The following DNA2 variants were observed in gnomAD, a reference collection of about 807,000 sequenced individuals.
The protein encoded by DNA2 is DNA replication helicase/nuclease 2.
Under a neutral mutation model 119.1 loss-of-function variants are expected in DNA2, and 101 were observed. The observed-to-expected ratio is 0.85, with a 90% confidence interval of 0.72 to 1.00. DNA2 has a LOEUF of 1.00. Among genes scored for constraint, DNA2 ranks in the 50% least tolerant of loss-of-function variants. DNA2 has a pLI of 0.00. For synonymous variants in DNA2, 366 were observed against 424.4 expected (o/e 0.86, Z 1.69); for missense variants, 1,121 against 1,255.5 (o/e 0.89, Z 1.62).
At position 68,437,217 on chromosome 10, in the gene DNA2, T is replaced by C. The variant is rs753037060; in HGVS notation, c.1440A>G (p.Gly480=). 6.2e-7 allele frequency: 1 copy of C among 1,606,702 alleles called. No individual in the cohort carries two copies. Among genetic ancestry groups the C allele is most frequent in the East Asian group, 2.2e-5 (1 of 44,668 alleles). The change falls in exon 10 of 21, where the codon GGA becomes GGG. Residue 480 remains glycine (G), a synonymous_variant. Transcript: ENST00000358410. ...TTACATGTTCCATTCTAATCAGGTT[T>C]CCAATGCAACTGCCACTCTTCTCCC... ...SEMEKSGSCI[G]NLIRMEHVKI...
At chr10:68,450,349 G>A in intron 5 of DNA2, 102 bp from the exon 6 acceptor site, 1 of 900,464 alleles carries the variant, frequency 1.1e-6, no homozygotes, top group Non-Finnish European at 1.7e-6. Flanking sequence ...GTGGGGAGGG[G>A]AAAGAGTCTA....
chr10:68,465,316 C>T lies in DNA2; in HGVS notation c.587+351G>A, dbSNP rs569928080. Among the ~76,000 whole-genome samples, 7 of 152,208 alleles carry T rather than the reference C, an allele frequency of 4.6e-5. No individual in the cohort carries two copies. The East Asian group carries it at 7.7e-4, about 17-fold the overall frequency. On this transcript the variant is annotated intron_variant, in intron 4 of 20. Transcript: ENST00000358410. ...ACAGGCGTGAGCCACCGCACCTGGC[C>T]GTAAAGATGCACTTTGAAACCAGTT... is the stretch of plus-strand genomic sequence containing the variant.
chr10:68,449,125 T>C lies in DNA2; in HGVS notation c.939+903A>G, dbSNP rs138375484. Among the ~76,000 whole-genome samples the C allele has an allele frequency of 6.4e-3, 971 of 152,230 alleles. 14 individuals are homozygous for C. The highest frequency in any genetic ancestry group is 0.022 in the African/African-American group (919 of 41,550). ...AAATGCTTTTATATTTCTCTCCTGT[T>C]TAGCATTATAAAGTGATTTCATTCA... On this transcript the variant is annotated intron_variant, in intron 6 of 20. Transcript: ENST00000358410.
intron 6 of DNA2, among the ~76,000 whole-genome samples, chr10:68,448,164 C>G (rs997830876): frequency 6.6e-6 from 1 of 151,988 alleles, no homozygotes; most frequent in Non-Finnish European, 1.5e-5. Context: ...TCTGTAGAGA[C>G]TATTTTCTCC....
intron 3 of DNA2, among the ~76,000 whole-genome samples, chr10:68,466,610 G>A (rs549712724): frequency 1.4e-5 from 2 of 142,766 alleles, no homozygotes; most frequent in South Asian, 2.2e-4. Context: ...ACAGAGTTTC[G>A]CTCTGTCACC....
intron 13 of DNA2, among the ~76,000 whole-genome samples, 157 bp downstream of exon 13, chr10:68,431,705 C>T (rs563722089): frequency 2.0e-5 from 3 of 152,308 alleles, no homozygotes; most frequent in South Asian, 4.1e-4. Flanking sequence ...ACTGTTTGTG[C>T]TTCAGCTTTA....
intron 19 of DNA2, among the ~76,000 whole-genome samples, chr10:68,417,391 CAAA>C (rs35777569): frequency 0.056 from 4,324 of 77,518 alleles, 96 homozygotes; most frequent in Middle Eastern, 0.12. Context: ...ATAAGAAAAC[CAAA>C]AAAAAAAAAA....
chr10:68,416,873 T>G lies in DNA2; in HGVS notation c.2968-18A>C, dbSNP rs1205691261. ...TCACCAACCTGTAAGAAATATAATTTTCAATTATTCAAGTTCAAAGGAATG... is the reference window on the plus strand; with the variant it reads ...TCACCAACCTGTAAGAAATATAATTGTCAATTATTCAAGTTCAAAGGAATG... On this transcript the variant is annotated intron_variant, in intron 19 of 20. Coordinates refer to ENST00000358410, the MANE Select transcript of DNA2 (RefSeq NM_001080449.3). 1.3e-6 allele frequency: 2 copies of G among 1,594,394 alleles called. No homozygotes were observed. Among genetic ancestry groups the G allele is most frequent in the Admixed American group, 3.5e-5 (2 of 56,712 alleles).
chr10:68,427,193 A>AC (rs1035285310), intron 14 of DNA2, among the ~76,000 whole-genome samples: 16 of 151,256 alleles, frequency 1.1e-4, no homozygotes, highest in Middle Eastern at 6.8e-3. Flanking sequence ...ACATGGTGAA[A>AC]CCCCGTCTCT....
Position 68,451,872 on chromosome 10 carries a change from G to C in DNA2, c.720-1625C>G, listed in dbSNP as rs548569956. Among the ~76,000 whole-genome samples, 5 of 150,300 alleles carry C rather than the reference G, an allele frequency of 3.3e-5. 1 individual carries two copies. The highest frequency in any genetic ancestry group is 1.2e-4 in the African/African-American group (5 of 40,920). Reference sequence around the variant, plus strand: ...TCCCAGAGTGCTGGATTACAGGAGTGAGCCACCACACCTGGCCATGGACAG... The same window carrying C: ...TCCCAGAGTGCTGGATTACAGGAGTCAGCCACCACACCTGGCCATGGACAG... On this transcript the variant is annotated intron_variant, in intron 5 of 20. Transcript: ENST00000358410.
At chr10:68,440,709 A>T (rs1166173773) in intron 9 of DNA2, among the ~76,000 whole-genome samples, 2 of 152,218 alleles carry the variant, frequency 1.3e-5, no homozygotes, top group Non-Finnish European at 2.9e-5. Context: ...CACTACACAT[A>T]CGCAGTCTAT....
At chr10:68,424,725 C>T in intron 14 of DNA2, 3 of 1,588,770 alleles carry the variant, frequency 1.9e-6, no homozygotes, top group Non-Finnish European at 2.6e-6. Context: ...CGACGAGGTC[C>T]AGGTAGTTCA....
chr10:68,428,743 C>T (rs556408608), intron 14 of DNA2, among the ~76,000 whole-genome samples: 1 of 152,302 alleles, frequency 6.6e-6, no homozygotes, highest in East Asian at 1.9e-4. Context: ...ATTTACTTAA[C>T]ATTCTCGAAC....
intron 5 of DNA2, among the ~76,000 whole-genome samples, chr10:68,452,154 C>G (rs2052127687): frequency 1.3e-5 from 2 of 151,778 alleles, no homozygotes; most frequent in Admixed American, 1.3e-4. Flanking sequence ...ATGAACACGG[C>G]TCACTGCAGC....
chr10:68,428,391 T>C (rs1311729932), intron 14 of DNA2, among the ~76,000 whole-genome samples: 2 of 151,866 alleles, frequency 1.3e-5, no homozygotes, highest in African/African-American at 4.9e-5. Flanking sequence ...GAAATGTTCC[T>C]GCTTAGAAAA....
intron 5 of DNA2, among the ~76,000 whole-genome samples, chr10:68,456,670 C>T (rs2052185905): frequency 6.6e-6 from 1 of 151,998 alleles, no homozygotes; most frequent in South Asian, 2.1e-4. Context: ...CCTCAACCTC[C>T]AAAAGTGCAG....
intron 3 of DNA2, among the ~76,000 whole-genome samples, chr10:68,466,878 C>T (rs2052333395): frequency 6.6e-6 from 1 of 151,954 alleles, no homozygotes; most frequent in Non-Finnish European, 1.5e-5. Context: ...TGCGCCCGGT[C>T]CAAAAAGTTT....
intron 4 of DNA2, among the ~76,000 whole-genome samples, chr10:68,459,794 G>A (rs917904535): frequency 3.9e-5 from 6 of 152,062 alleles, no homozygotes; most frequent in Admixed American, 2.0e-4. Context: ...TTTGGGATGC[G>A]GAGGCAGGTG....
intron 1 of DNA2, chr10:68,470,434 A>G (rs2052371432): frequency 2.6e-6 from 1 of 378,138 alleles, no homozygotes; most frequent in Non-Finnish European, 5.0e-6. Context: ...TCTGTGGGAC[A>G]CTCATTACAA....
Sources: gnomAD v4.1 joint callset for allele counts (sites outside exome capture counted in the v4.1 genomes callset) on GRCh38, gnomAD v4.1.1 for gene constraint, MANE v1.5 for transcripts, NCBI Gene and HGNC (gene_info 2026-07-23, HGNC 2026-07-21) for gene names.